Variants in TMTC1 observed in about 807,000 individuals in gnomAD.
TMTC1 encodes the protein protein O-mannosyl-transferase TMTC1.
Under a neutral mutation model 104.8 loss-of-function variants are expected in TMTC1, and 73 were observed. The observed-to-expected ratio is 0.70, with a 90% CI of 0.58 to 0.85. TMTC1 has a LOEUF of 0.85. Among genes scored for constraint, TMTC1 ranks in the 40% least tolerant of loss-of-function variants. TMTC1 has a pLI of 0.00. For synonymous variants in TMTC1, 434 were observed against 428.7 expected (o/e 1.01, Z -0.15); for missense variants, 1,035 against 1,096.1 (o/e 0.94, Z 0.79).
intron 6 of TMTC1, among the ~76,000 whole-genome samples, chr12:29,630,263 C>G (rs1565722486): frequency 6.6e-6 from 1 of 152,110 alleles, no homozygotes; most frequent in African/African-American, 2.4e-5. Flanking sequence ...TTCTGCATGG[C>G]TGGGGAGGCT....
intron 5 of TMTC1, among the ~76,000 whole-genome samples, chr12:29,665,246 T>TATGAAAAAACAGTTGAAC (rs1940230470): frequency 2.0e-5 from 3 of 152,174 alleles, no homozygotes; most frequent in Admixed American, 6.5e-5. Context: ...TGAAGTTGCA[T>TATGAAAAAACAGTTGAAC]ATGAAAAAAC....
At chr12:29,599,966 ATATG>A (rs199790062) in intron 7 of TMTC1, among the ~76,000 whole-genome samples, 3,855 of 135,028 alleles carry the variant, frequency 0.029, 372 homozygotes, top group African/African-American at 0.12. Context: ...GTGTATATAT[ATATG>A]TGTGTGTGTG....
At chr12:29,722,429 A>C (rs1248934833) in intron 5 of TMTC1, among the ~76,000 whole-genome samples, 1 of 152,222 alleles carries the variant, frequency 6.6e-6, no homozygotes, top group East Asian at 1.9e-4. Context: ...GTAACCAATA[A>C]TATAATCTCT....
chr12:29,742,832 TATC>T (rs1324984538), intron 5 of TMTC1, among the ~76,000 whole-genome samples: 4 of 152,188 alleles, frequency 2.6e-5, no homozygotes, highest in Non-Finnish European at 4.4e-5. Context: ...GTTTTTCTCT[TATC>T]ATCTATTTCC....
chr12:29,626,121 TAATA>T (rs1937977110), intron 6 of TMTC1, among the ~76,000 whole-genome samples: 2 of 152,160 alleles, frequency 1.3e-5, no homozygotes, highest in South Asian at 2.1e-4. Flanking sequence ...CAAATTTAGA[TAATA>T]AATAAATAAA....
intron 4 of TMTC1, among the ~76,000 whole-genome samples, chr12:29,754,422 G>C (rs575373922): frequency 6.6e-6 from 1 of 152,262 alleles, no homozygotes; most frequent in East Asian, 1.9e-4. Context: ...CATTAAAATA[G>C]CTCTGGACTG....
At chr12:29,524,222 C>G (rs1032884397) in intron 11 of TMTC1, among the ~76,000 whole-genome samples, 4 of 152,090 alleles carry the variant, frequency 2.6e-5, no homozygotes, top group Non-Finnish European at 5.9e-5. Flanking sequence ...AAGATCAAAT[C>G]AAGAGTTTGG....
intron 6 of TMTC1, among the ~76,000 whole-genome samples, chr12:29,632,661 T>C (rs949665544): frequency 7.2e-5 from 11 of 152,228 alleles, no homozygotes; most frequent in African/African-American, 2.4e-4. Context: ...TATGTCCTTA[T>C]AGCAGTATGA....
intron 8 of TMTC1, among the ~76,000 whole-genome samples, chr12:29,582,837 T>C (rs7294502): frequency 0.23 from 35,217 of 152,074 alleles, 4,243 homozygotes; most frequent in East Asian, 0.38. Context: ...GCAAATATTG[T>C]TTGGGTGTCA....
chr12:29,678,699 AAGC>A (rs1940812748), intron 5 of TMTC1, among the ~76,000 whole-genome samples: 1 of 152,036 alleles, frequency 6.6e-6, no homozygotes, highest in African/African-American at 2.4e-5. Context: ...TAGCATCAAA[AAGC>A]AAGGAGAAAT....
At chr12:29,599,861 C>T (rs1356687242) in intron 7 of TMTC1, among the ~76,000 whole-genome samples, 2 of 151,018 alleles carry the variant, frequency 1.3e-5, no homozygotes, top group African/African-American at 4.9e-5. Context: ...TCTATATTTT[C>T]AGGATGTCAT....
chr12:29,636,397 G>A (rs75909488), intron 5 of TMTC1, among the ~76,000 whole-genome samples: 8,882 of 152,244 alleles, frequency 0.058, 346 homozygotes, highest in Admixed American at 0.084. Flanking sequence ...TTGAGTTTAC[G>A]TTTTGGCCTT....
chr12:29,521,991 CAA>C (rs4032987), intron 11 of TMTC1, among the ~76,000 whole-genome samples: 104,894 of 151,912 alleles, frequency 0.69, 36,564 homozygotes, highest in Non-Finnish European at 0.73. Flanking sequence ...CACAAGTTAA[CAA>C]AATGTCATCT....
chr12:29,601,794 A>G (rs1199480385), intron 7 of TMTC1, among the ~76,000 whole-genome samples: 1 of 151,914 alleles, frequency 6.6e-6, no homozygotes. Flanking sequence ...TTTATTGACC[A>G]TATATAATGC....
intron 5 of TMTC1, among the ~76,000 whole-genome samples, chr12:29,695,765 T>C (rs866357528): frequency 7.7e-4 from 111 of 143,310 alleles, no homozygotes; most frequent in African/African-American, 2.5e-3. Flanking sequence ...TAAGATTTAC[T>C]TCTCACAAAT....
At chr12:29,554,369 T>C (rs1945183456) in intron 10 of TMTC1, among the ~76,000 whole-genome samples, 1 of 152,024 alleles carries the variant, frequency 6.6e-6, no homozygotes, top group Non-Finnish European at 1.5e-5. Context: ...GTTTTTTTTT[T>C]AATACACAAT....
intron 5 of TMTC1, among the ~76,000 whole-genome samples, chr12:29,710,735 GTATT>G (rs1941883029): frequency 8.0e-6 from 1 of 124,490 alleles, no homozygotes; most frequent in Non-Finnish European, 1.7e-5. Flanking sequence ...ATTATTAAAC[GTATT>G]TATATTTATA....
chr12:29,530,031 T>G (rs1327478182), intron 11 of TMTC1: 1 of 152,160 alleles, frequency 6.6e-6, no homozygotes, highest in Non-Finnish European at 1.5e-5. Flanking sequence ...GAAAACCACA[T>G]TTGCATATAA....
At chr12:29,604,027 CTTCTGTGTGGCTGTTTTTAAAGCT>C in intron 7 of TMTC1, 127 bp downstream of exon 7, 1 of 1,045,584 alleles carries the variant, frequency 9.6e-7, no homozygotes, top group East Asian at 2.8e-5. Flanking sequence ...CTCATCCAAC[CTTCTGTGTGGCTGTTTTTAAAGCT>C]GAAATAATAA....
Sources: allele counts gnomAD v4.1 joint callset (sites outside exome capture counted in the v4.1 genomes callset), GRCh38; gene constraint gnomAD v4.1.1; transcripts MANE v1.5; gene names NCBI Gene and HGNC (gene_info 2026-07-23, HGNC 2026-07-21).